CROT: variants seen among roughly 807,000 people sequenced by gnomAD.
CROT encodes peroxisomal carnitine O-octanoyltransferase.
A neutral mutation model predicts 89.2 loss-of-function variants in CROT; 84 were observed. The observed-to-expected ratio is 0.94, with a 90% CI of 0.79 to 1.13. The LOEUF (loss-of-function observed/expected upper bound fraction) is 1.13, where lower values mean the gene tolerates loss of function less well. Ranked by LOEUF, CROT falls within the 50% of genes most tolerant of loss-of-function variation. The probability of loss-of-function intolerance (pLI) is 0.00; values close to 1 mark genes in which losing one functional copy is unlikely to be tolerated. For missense variants in CROT, 711 were observed against 727.8 expected (o/e 0.98, Z 0.27); for synonymous variants, 212 against 239.5 (o/e 0.89, Z 1.06).
At position 87,375,905 on chromosome 7, in the gene CROT, T is replaced by G. The variant is rs1482898668; in HGVS notation, c.828T>G (p.Tyr276Ter). 2 of 1,612,982 alleles carry G rather than the reference T, an allele frequency of 1.2e-6. No individual in the cohort carries two copies. The highest frequency in any genetic ancestry group is 2.2e-5 in the South Asian group (2 of 91,054). The change falls in exon 9 of 18, where the codon TAT becomes TAG. Residue 276 changes from tyrosine (Y) to a stop codon, truncating the protein, a stop_gained. Coordinates refer to ENST00000331536, the MANE Select transcript of CROT (RefSeq NM_021151.4). LOFTEE classifies it high-confidence loss of function. ...LEKIQSSLLV[Y>*]SMEDSSPHVT... ...AAATTCAGAGTAGTTTACTGGTATA[T>G]TCCATGGAGGATAGCAGTCCACATG... is the stretch of plus-strand genomic sequence containing the variant.
At chr7:87,347,472 G>C (rs1290548326) in intron 2 of CROT, among the ~76,000 whole-genome samples, 1 of 152,070 alleles carries the variant, frequency 6.6e-6, no homozygotes. Context: ...GAAAGTGGCA[G>C]AGTCTGTACT....
chr7:87,385,163 A>C (rs2116079400), intron 13 of CROT, among the ~76,000 whole-genome samples: 1 of 149,580 alleles, frequency 6.7e-6, no homozygotes, highest in South Asian at 2.1e-4. Flanking sequence ...CTGGTATTGC[A>C]TTGGCTATTC....
At chr7:87,363,701 G>T (rs1806351454) in intron 6 of CROT, among the ~76,000 whole-genome samples, 2 of 152,228 alleles carry the variant, frequency 1.3e-5, no homozygotes, top group African/African-American at 4.8e-5. Context: ...TAAAAAGAAT[G>T]ATGTGACCAG....
At chr7:87,368,366 G>A (rs1806518277) in intron 6 of CROT, among the ~76,000 whole-genome samples, 1 of 152,028 alleles carries the variant, frequency 6.6e-6, no homozygotes, top group South Asian at 2.1e-4. Context: ...AAGGGGTGTG[G>A]TCAGGAGATG....
rs1382769902 is a variant in CROT, at chr7:87,398,591, A to G, written c.1786A>G (p.Thr596Ala). Residue 596 changes from threonine (T) to alanine (A), a missense_variant, in exon 18 of 18, where the codon ACT (threonine) becomes GCT (alanine). Thr to Ala is a moderately conservative substitution (Grantham distance 58). Transcript: ENST00000331536. Reference sequence around the variant, plus strand: ...TGATGCGGAAAAGCTAGTTCAGCTGACTTTTTGTGCTTTTCATGATATGAT... The same window carrying G: ...TGATGCGGAAAAGCTAGTTCAGCTGGCTTTTTGTGCTTTTCATGATATGAT... ...ETDAEKLVQL[T>A]FCAFHDMIQL... is the part of the protein sequence containing the mutation. The G allele has an allele frequency of 1.2e-6, 2 of 1,613,660 alleles. No individual in the cohort carries two copies. The highest frequency in any genetic ancestry group is 3.3e-5 in the Admixed American group (2 of 59,972).
At chr7:87,381,536 T>C (rs1807004074) in intron 10 of CROT, among the ~76,000 whole-genome samples, 2 of 152,190 alleles carry the variant, frequency 1.3e-5, no homozygotes, top group Admixed American at 1.3e-4. Context: ...CCCCATCTGC[T>C]TTTCCACCCT....
intron 7 of CROT, 67 bp from the exon 8 acceptor site, chr7:87,375,564 CT>C (rs1806782717): frequency 8.5e-7 from 1 of 1,169,962 alleles, no homozygotes; most frequent in South Asian, 1.3e-5. Flanking sequence ...ATGTTATGAC[CT>C]TTTAAAGGCC....
intron 10 of CROT, among the ~76,000 whole-genome samples, chr7:87,379,640 C>G (rs1400937790): frequency 6.6e-6 from 1 of 152,178 alleles, no homozygotes. Flanking sequence ...CATAACTGAA[C>G]TGCTTTTTTA....
At chr7:87,362,609 C>T (rs1035633998) in intron 6 of CROT, among the ~76,000 whole-genome samples, 7 of 151,962 alleles carry the variant, frequency 4.6e-5, no homozygotes, top group Admixed American at 4.6e-4. Context: ...AGTCACTCTT[C>T]TTAGAGACAC....
At chr7:87,364,067 A>G (rs1806364157) in intron 6 of CROT, among the ~76,000 whole-genome samples, 1 of 152,194 alleles carries the variant, frequency 6.6e-6, no homozygotes, top group Admixed American at 6.5e-5. Context: ...AGGAGAAGCA[A>G]GTGGTCTTTA....
chr7:87,397,287 G>T (rs764949039), intron 17 of CROT, among the ~76,000 whole-genome samples: 9 of 151,362 alleles, frequency 5.9e-5, no homozygotes, highest in Non-Finnish European at 8.8e-5. Flanking sequence ...GGAGATGGAG[G>T]TTGCAGTGAG....
At chr7:87,364,319 AGAG>A (rs753453353) in intron 6 of CROT, among the ~76,000 whole-genome samples, 76 of 152,202 alleles carry the variant, frequency 5.0e-4, no homozygotes, top group Non-Finnish European at 9.1e-4. Flanking sequence ...TTTTCCAATC[AGAG>A]GAGGAGGAGC....
In CROT at chr7:87,392,544, T is replaced by C. The variant is rs770429198; in HGVS notation, c.1426-22T>C. The C allele has an allele frequency of 7.5e-6, 12 of 1,597,750 alleles. No individual in the cohort carries two copies. In the South Asian group the frequency reaches 7.7e-5, roughly 10 times the overall value. On this transcript the variant is annotated intron_variant, in intron 14 of 17. Transcript: ENST00000331536. ...GGTTTTGCACAGTGTGTTATTGAAGTGTCTCTCGATTTTTAATACAGCTTC... is the reference window on the plus strand; with the variant it reads ...GGTTTTGCACAGTGTGTTATTGAAGCGTCTCTCGATTTTTAATACAGCTTC...
chr7:87,360,765 A>G (rs568215284), intron 4 of CROT, among the ~76,000 whole-genome samples: 1 of 152,272 alleles, frequency 6.6e-6, no homozygotes, highest in Non-Finnish European at 1.5e-5. Context: ...AGTACTCTGA[A>G]GAAACACCTA....
chr7:87,391,653 C>A lies in CROT; in HGVS notation c.1366C>A (p.Arg456=). 6.2e-7 allele frequency: 1 copy of A among 1,611,220 alleles called. No homozygotes were observed. ...TTATCATGGCCGTACAGAGACTATG[C>A]GATCATGCACAGTTGAAGCAGTGAG... ...HFYHGRTETM[R]SCTVEAVRWC... Residue 456 remains arginine, a synonymous_variant, in exon 14 of 18, where the codon CGA becomes AGA. Coordinates refer to ENST00000331536, the MANE Select transcript of CROT (RefSeq NM_021151.4).
At chr7:87,358,051 C>T (rs1054529751) in intron 3 of CROT, among the ~76,000 whole-genome samples, 1 of 152,134 alleles carries the variant, frequency 6.6e-6, no homozygotes, top group Non-Finnish European at 1.5e-5. Context: ...CTCTGGCTCT[C>T]CTAAGCTCCT....
Position 87,369,428 on chromosome 7 carries a change from T to A in CROT, c.600T>A (p.Ala200=). Reference sequence around the variant, plus strand: ...TTGTAGTGCTGTGTCGAGGCCGAGCTTTTGTCTTTGATGTAATACATGAAG... The same window carrying A: ...TTGTAGTGCTGTGTCGAGGCCGAGCATTTGTCTTTGATGTAATACATGAAG... ...NHIVVLCRGR[A]FVFDVIHEGC... Residue 200 remains alanine, a synonymous_variant, in exon 7 of 18, where the codon GCT becomes GCA. Coordinates refer to ENST00000331536, the MANE Select transcript of CROT (RefSeq NM_021151.4). 6.2e-7 allele frequency: 1 copy of A among 1,613,398 alleles called. No homozygotes were observed. The highest frequency in any genetic ancestry group is 1.1e-5 in the South Asian group (1 of 91,016).
In CROT at chr7:87,361,422, G is replaced by A. The variant is rs780285542; in HGVS notation, c.273G>A (p.Leu91=). 1 of 1,613,802 alleles carries A rather than the reference G, an allele frequency of 6.2e-7. No individual in the cohort carries two copies. The highest frequency in any genetic ancestry group is 1.1e-5 in the South Asian group (1 of 90,970). The change falls in exon 5 of 18, where the codon CTG becomes CTA. Residue 91 remains leucine (L), a synonymous_variant. Coordinates refer to ENST00000331536, the MANE Select transcript of CROT (RefSeq NM_021151.4). ...LEEWWLNVAY[L]DVRIPSQLNV... ...AGTGGTGGCTGAATGTTGCCTATCTGGATGTTCGTATACCATCACAATTGA... is the reference window on the plus strand; with the variant it reads ...AGTGGTGGCTGAATGTTGCCTATCTAGATGTTCGTATACCATCACAATTGA...
At chr7:87,372,146 G>A (rs1806664198) in intron 7 of CROT, among the ~76,000 whole-genome samples, 1 of 151,834 alleles carries the variant, frequency 6.6e-6, no homozygotes, top group Non-Finnish European at 1.5e-5. Context: ...ATTTATTTGT[G>A]TTTTCTGTGA....
Sources: gnomAD v4.1 joint callset for allele counts (sites outside exome capture counted in the v4.1 genomes callset) on GRCh38, gnomAD v4.1.1 for gene constraint, MANE v1.5 for transcripts, NCBI Gene and HGNC (gene_info 2026-07-23, HGNC 2026-07-21) for gene names.